The following SPECC1L variants were observed in gnomAD, a reference collection of about 807,000 sequenced individuals.
SPECC1L encodes the protein sperm antigen with calponin homology and coiled-coil domains 1 like, also known as cytospin-A.
A neutral mutation model predicts 116.8 loss-of-function variants in SPECC1L; 40 were observed. The observed-to-expected ratio is 0.34, with a 90% CI of 0.27 to 0.45. The LOEUF (loss-of-function observed/expected upper bound fraction) is 0.45, where lower values mean the gene tolerates loss of function less well. Ranked by LOEUF, SPECC1L falls within the 20% of genes least tolerant of loss-of-function variation. The probability of loss-of-function intolerance (pLI) is 1.00; values close to 1 mark genes in which losing one functional copy is unlikely to be tolerated. For missense variants in SPECC1L, 1,110 were observed against 1,373.6 expected (o/e 0.81, Z 3.03); for synonymous variants, 504 against 500.6 (o/e 1.01, Z -0.09).
At chr22:24,313,231 A>ACT in intron 3 of SPECC1L, 82 bp from the exon 4 acceptor site, 4 of 1,480,854 alleles carry the variant, frequency 2.7e-6, no homozygotes, top group Non-Finnish European at 2.8e-6. Context: ...ACTTAGTATA[A>ACT]AAGTCATGAG....
chr22:24,396,293 TG>T (rs999709256), intron 14 of SPECC1L, among the ~76,000 whole-genome samples: 36 of 116,092 alleles, frequency 3.1e-4, no homozygotes, highest in Non-Finnish European at 4.7e-4. Context: ...GAACTTTCTG[TG>T]GTTTTTTTTT....
intron 4 of SPECC1L, among the ~76,000 whole-genome samples, chr22:24,320,248 C>T (rs773721964): frequency 3.9e-5 from 6 of 152,078 alleles, no homozygotes; most frequent in Admixed American, 1.3e-4. Context: ...TGCACTATAG[C>T]CTGGGTGATG....
chr22:24,366,028 A>G (rs960315633), intron 13 of SPECC1L, among the ~76,000 whole-genome samples: 1 of 151,878 alleles, frequency 6.6e-6, no homozygotes, highest in African/African-American at 2.4e-5. Context: ...ACTTGAGGGG[A>G]TGCACCAAAG....
intron 2 of SPECC1L, among the ~76,000 whole-genome samples, chr22:24,295,821 GC>G (rs1156917795): frequency 6.6e-6 from 1 of 152,044 alleles, no homozygotes; most frequent in Non-Finnish European, 1.5e-5. Context: ...GGTGGCAGGC[GC>G]CCATAATCCC....
At chr22:24,309,483 G>A (rs986288026) in intron 3 of SPECC1L, among the ~76,000 whole-genome samples, 1 of 151,920 alleles carries the variant, frequency 6.6e-6, no homozygotes, top group Admixed American at 6.6e-5. Context: ...TCACTGCAAC[G>A]TCCGTCTCCC....
intron 4 of SPECC1L, among the ~76,000 whole-genome samples, chr22:24,319,111 T>C (rs1290035173): frequency 2.0e-5 from 3 of 152,226 alleles, no homozygotes; most frequent in Non-Finnish European, 4.4e-5. Context: ...CCTCTGCTGC[T>C]CTGCTTTCTT....
At chr22:24,411,549 A>T (rs770678360) in intron 14 of SPECC1L, 39 bp from the exon 15 acceptor site, 6 of 1,577,160 alleles carry the variant, frequency 3.8e-6, no homozygotes, top group Non-Finnish European at 5.2e-6. Flanking sequence ...AGAGGGTCCC[A>T]GCATGTGTTG....
intron 2 of SPECC1L, among the ~76,000 whole-genome samples, chr22:24,282,726 A>T (rs938919703): frequency 6.6e-6 from 1 of 151,102 alleles, no homozygotes; most frequent in Admixed American, 6.6e-5. Flanking sequence ...TGAGAAGATC[A>T]TACAGCTTTT....
chr22:24,397,409 C>A (rs954759757), intron 14 of SPECC1L, among the ~76,000 whole-genome samples: 1 of 152,172 alleles, frequency 6.6e-6, no homozygotes, highest in Non-Finnish European at 1.5e-5. Flanking sequence ...AGACTAAATG[C>A]ACTGCCTGTG....
chr22:24,409,888 G>A (rs547396986), intron 14 of SPECC1L, among the ~76,000 whole-genome samples: 8 of 152,184 alleles, frequency 5.3e-5, no homozygotes, highest in Non-Finnish European at 1.0e-4. Context: ...TTAGCTGGAC[G>A]TGGTAGCACG....
At chr22:24,347,932 T>C (rs2041335614) in intron 11 of SPECC1L, among the ~76,000 whole-genome samples, 1 of 152,074 alleles carries the variant, frequency 6.6e-6, no homozygotes, top group South Asian at 2.1e-4. Flanking sequence ...CACCTCAACC[T>C]CCCTAAGTGA....
In SPECC1L at chr22:24,322,014, T is replaced by G. The variant is rs777232246; in HGVS notation, c.1034T>G (p.Leu345Ter). 1 of 1,614,174 alleles carries G rather than the reference T, an allele frequency of 6.2e-7. No individual in the cohort carries two copies. Among genetic ancestry groups the G allele is most frequent in the Non-Finnish European group, 8.5e-7 (1 of 1,180,030 alleles). ...CAGCACAGTAACTCCATGGACAATT[T>G]AGACAGTGAGTGCAGTGAGGTCTAC... ...DHQHSNSMDNLDSECSEVYQP... is the reference protein window; with the variant it reads ...DHQHSNSMDN Residue 345 changes from leucine (L) to a stop codon, truncating the protein, a stop_gained, in exon 5 of 17, where the codon TTA (leucine) becomes TGA (stop). Coordinates refer to ENST00000314328, the MANE Select transcript of SPECC1L (RefSeq NM_015330.6). LOFTEE classifies it high-confidence loss of function.
intron 14 of SPECC1L, among the ~76,000 whole-genome samples, chr22:24,389,623 C>G (rs924034810): frequency 6.6e-6 from 1 of 151,864 alleles, no homozygotes; most frequent in Non-Finnish European, 1.5e-5. Flanking sequence ...TTTCCCTACC[C>G]TCTTTCCTAA....
intron 14 of SPECC1L, among the ~76,000 whole-genome samples, chr22:24,406,461 C>A (rs2052630260): frequency 6.6e-6 from 1 of 152,198 alleles, no homozygotes; most frequent in Non-Finnish European, 1.5e-5. Context: ...GGCTGAGGCT[C>A]CAAGAGGCCA....
chr22:24,375,703 C>A (rs1365023637), intron 14 of SPECC1L, among the ~76,000 whole-genome samples: 4 of 152,062 alleles, frequency 2.6e-5, no homozygotes, highest in Non-Finnish European at 5.9e-5. Flanking sequence ...GCCTGTAATC[C>A]CAGTACTTTG....
At chr22:24,331,480 C>G (rs1016174943) in intron 8 of SPECC1L, among the ~76,000 whole-genome samples, 1 of 152,166 alleles carries the variant, frequency 6.6e-6, no homozygotes, top group Admixed American at 6.5e-5. Flanking sequence ...ATGCTTCATT[C>G]TATAGTTATC....
At chr22:24,338,594 G>A (rs1429272155) in intron 10 of SPECC1L, 117 bp downstream of exon 10, 5 of 814,856 alleles carry the variant, frequency 6.1e-6, no homozygotes, top group African/African-American at 3.5e-5. Context: ...CAGCAGGGAT[G>A]TATCTAGAAT....
intron 11 of SPECC1L, among the ~76,000 whole-genome samples, chr22:24,351,763 GCT>G (rs1293984563): frequency 6.6e-6 from 1 of 152,218 alleles, no homozygotes; most frequent in Non-Finnish European, 1.5e-5. Flanking sequence ...GGATTTCTGA[GCT>G]CTGTCTTGAA....
At position 24,369,329 on chromosome 22, in the gene SPECC1L, A is replaced by C. The variant is rs767779152; in HGVS notation, c.3087+9A>C. Reference sequence around the variant, plus strand: ...AAACAGAAGGCTATCAGGTAATCATATGATTCTTTTGTCCCATGTGAGTAA... The same window carrying C: ...AAACAGAAGGCTATCAGGTAATCATCTGATTCTTTTGTCCCATGTGAGTAA... On this transcript the variant is annotated intron_variant, in intron 14 of 16. Transcript: ENST00000314328. 7 of 1,604,722 alleles carry C rather than the reference A, an allele frequency of 4.4e-6. No homozygotes were observed. The highest frequency in any genetic ancestry group is 1.7e-5 in the Admixed American group (1 of 59,996).
Sources: gnomAD v4.1 joint callset for allele counts (sites outside exome capture counted in the v4.1 genomes callset) on GRCh38, gnomAD v4.1.1 for gene constraint, MANE v1.5 for transcripts, NCBI Gene and HGNC (gene_info 2026-07-23, HGNC 2026-07-21) for gene names.